The following MYH15 variants were observed in gnomAD, a reference collection of about 807,000 sequenced individuals.
The protein encoded by MYH15 is myosin-15.
Under a neutral mutation model 240.5 loss-of-function variants are expected in MYH15, and 227 were observed. The ratio of observed to expected loss-of-function variants is 0.94; its 90% CI spans 0.85 to 1.05. The LOEUF is 1.05. Ranked by LOEUF, MYH15 falls within the 50% of genes least tolerant of loss-of-function variation. MYH15 has a pLI of 0.00. For synonymous variants in MYH15, 785 were observed against 796.7 expected, an observed-to-expected ratio of 0.99 and a Z score of 0.25; for missense variants, 2,217 against 2,247.5, an observed-to-expected ratio of 0.99 and a Z score of 0.27.
intron 21 of MYH15, among the ~76,000 whole-genome samples, chr3:108,453,795 A>T (rs2082995808): frequency 6.6e-6 from 1 of 152,210 alleles, no homozygotes; most frequent in Non-Finnish European, 1.5e-5. Context: ...GCATGACAAG[A>T]AATATCTGAA....
chr3:108,478,569 A>C (rs1464859360), intron 11 of MYH15, among the ~76,000 whole-genome samples: 1 of 150,088 alleles, frequency 6.7e-6, no homozygotes, highest in African/African-American at 2.5e-5. Flanking sequence ...TATCTAATCC[A>C]ATGTGAAAAT....
At chr3:108,402,811 T>C (rs1436075040) in intron 33 of MYH15, among the ~76,000 whole-genome samples, 1 of 152,158 alleles carries the variant, frequency 6.6e-6, no homozygotes, top group East Asian at 1.9e-4. Flanking sequence ...ACCAACCTGT[T>C]GTCAGCTCAG....
intron 38 of MYH15, among the ~76,000 whole-genome samples, chr3:108,386,609 C>T (rs549696895): frequency 6.6e-6 from 1 of 152,020 alleles, no homozygotes; most frequent in South Asian, 2.1e-4. Flanking sequence ...TAGTCTGACG[C>T]TCTTCCCTTC....
chr3:108,383,676 C>A lies in MYH15; in HGVS notation c.5685G>T (p.Leu1895Phe), dbSNP rs2082359856. ...LSKYKKQQHE[L>F]NEVKERAEVA... ...CCTCTGCCCTTTCCTTCACTTCATT[C>A]AACTCATGTTGCTGTTTCTTATACT... is the stretch of plus-strand genomic sequence containing the variant. The change falls in exon 40 of 41, where the codon TTG becomes TTT. Residue 1895 changes from leucine (L) to phenylalanine (F), a missense_variant. Leu to Phe is a conservative substitution (Grantham distance 22). Transcript: ENST00000693548. 15 of 1,609,528 alleles carry A rather than the reference C, an allele frequency of 9.3e-6. No homozygotes were observed. In the East Asian group the frequency reaches 3.4e-4, roughly 36 times the overall value.
intron 14 of MYH15, among the ~76,000 whole-genome samples, chr3:108,467,746 A>T (rs1280628705): frequency 6.6e-6 from 1 of 152,184 alleles, no homozygotes; most frequent in Non-Finnish European, 1.5e-5. Context: ...CTTATGTATA[A>T]CCATAAATAT....
intron 17 of MYH15, 134 bp from the exon 18 acceptor site, chr3:108,459,583 T>A (rs1560389076): frequency 5.7e-6 from 3 of 527,986 alleles, no homozygotes; most frequent in Non-Finnish European, 3.3e-6. Context: ...AATAATGAAT[T>A]CAACATTCTT....
rs147333609 is a variant in MYH15 at position 108,523,549 on chromosome 3, C to T, written c.-58+5714G>A. ...TATAAATAACATATAATTAATTTTA[C>T]ATATCAAGAAGTTAAACATGTGATA... On this transcript the variant is annotated intron_variant, in intron 1 of 41. Transcript: ENST00000273353. 3.1e-3 allele frequency among the ~76,000 whole-genome samples: 478 copies of T among 151,982 alleles called. 8 individuals are homozygous for T. Among genetic ancestry groups the T allele is most frequent in the Admixed American group, 0.028 (425 of 15,214 alleles).
At position 108,381,171 on chromosome 3, in the gene MYH15, C is replaced by T. The variant is rs556318286; in HGVS notation, c.*374G>A. On this transcript the variant is annotated 3_prime_UTR_variant, in exon 41 of 41. Coordinates refer to ENST00000693548, the MANE Select transcript of MYH15 (RefSeq NM_014981.3). ...TTAGTAAAAACCATTCACCAACATGCCCTAGTCCCCATGAAGCGTGACTGG... is the reference window on the plus strand; with the variant it reads ...TTAGTAAAAACCATTCACCAACATGTCCTAGTCCCCATGAAGCGTGACTGG... 2 of 240,350 alleles carry T rather than the reference C, an allele frequency of 8.3e-6. No individual in the cohort carries two copies. Among genetic ancestry groups the T allele is most frequent in the African/African-American group, 4.6e-5 (2 of 43,858 alleles). The allele number at this position is 240,350 out of a possible 1,614,324, so 14.9% of individuals were successfully genotyped here. A position where few individuals can be genotyped will look rare whatever the true frequency, so the allele number is the denominator to read the frequency against.
chr3:108,470,189 G>T lies in MYH15; in HGVS notation c.1407C>A (p.Cys469Ter), dbSNP rs183838764. The T allele has an allele frequency of 1.3e-5, 21 of 1,608,302 alleles. No individual in the cohort carries two copies. The highest frequency in any genetic ancestry group is 8.5e-7 in the Non-Finnish European group (1 of 1,177,380). The change falls in exon 14 of 41, where the codon TGC becomes TGA. Residue 469 changes from cysteine to a stop codon, truncating the protein, a stop_gained. Coordinates refer to ENST00000693548, the MANE Select transcript of MYH15 (RefSeq NM_014981.3). LOFTEE classifies it high-confidence loss of function. ...ILEYNSLEQLCINFTNEKLQQ... is the reference protein window; with the variant it reads ...ILEYNSLEQL ...GTAATTTTTCATTGGTAAAATTAAT[G>T]CAAAGTTGCTCAAGGCTATTATACT...
intron 1 of MYH15, among the ~76,000 whole-genome samples, chr3:108,521,355 G>A (rs1655450722): frequency 6.6e-6 from 1 of 151,622 alleles, no homozygotes; most frequent in African/African-American, 2.4e-5. Flanking sequence ...TGGAGCAAAG[G>A]ACTTTCTGAA....
chr3:108,409,974 A>G (rs1051728356), intron 31 of MYH15, among the ~76,000 whole-genome samples: 2 of 152,222 alleles, frequency 1.3e-5, no homozygotes, highest in African/African-American at 4.8e-5. Context: ...AAGACCCACA[A>G]GGTACGTGGG....
intron 16 of MYH15, among the ~76,000 whole-genome samples, chr3:108,462,080 A>AT (rs35537264): frequency 1.2e-4 from 18 of 152,190 alleles, no homozygotes; most frequent in Middle Eastern, 3.4e-3. Context: ...GTGAAATCTG[A>AT]TTTTTTTAGC....
intron 11 of MYH15, among the ~76,000 whole-genome samples, chr3:108,476,786 C>T (rs2083225182): frequency 6.6e-6 from 1 of 152,110 alleles, no homozygotes; most frequent in Non-Finnish European, 1.5e-5. Context: ...CTCACAGCCA[C>T]TAGAATGACT....
chr3:108,475,103 A>G (rs1049260270), intron 12 of MYH15, among the ~76,000 whole-genome samples: 2 of 152,190 alleles, frequency 1.3e-5, no homozygotes, highest in Non-Finnish European at 2.9e-5. Flanking sequence ...ACCTTAATAT[A>G]CCAAGGGAAA....
Position 108,428,537 on chromosome 3 carries a change from T to G in MYH15, c.3657A>C (p.Glu1219Asp), listed in dbSNP as rs1019158777. Residue 1219 changes from glutamate to aspartate, a missense_variant, in exon 27 of 41, where the codon GAA (glutamate) becomes GAC (aspartate). Coordinates refer to ENST00000693548, the MANE Select transcript of MYH15 (RefSeq NM_014981.3). ...CAACACGGGTCAGGAGGTCATCTAC[T>G]TCTAGCTGCAAGTCACTCTTGTCTT... ...LEKDKSDLQL[E>D]VDDLLTRVEQ... is the part of the protein sequence containing the mutation. 1 of 1,614,150 alleles carries G rather than the reference T, an allele frequency of 6.2e-7. No individual in the cohort carries two copies. Among genetic ancestry groups the G allele is most frequent in the East Asian group, 2.2e-5 (1 of 44,880 alleles).
intron 39 of MYH15, among the ~76,000 whole-genome samples, 199 bp downstream of exon 39, chr3:108,384,488 G>A (rs1324087835): frequency 6.6e-6 from 1 of 152,078 alleles, no homozygotes. Context: ...AGAGAGCTCT[G>A]GCTTCCTGGA....
At chr3:108,539,298 C>T in the MYH15 span, among the ~76,000 whole-genome samples, 1 of 152,058 alleles carries the variant, frequency 6.6e-6, no homozygotes, top group Non-Finnish European at 1.5e-5. Flanking sequence ...ACAATACCGC[C>T]GTGTTAACAC....
At chr3:108,504,417 C>G (rs1363936676) in intron 2 of MYH15, among the ~76,000 whole-genome samples, 1 of 152,124 alleles carries the variant, frequency 6.6e-6, no homozygotes, top group Non-Finnish European at 1.5e-5. Context: ...TATTGACTGT[C>G]AGGAAGACAT....
rs117102814 is a variant in MYH15, at chr3:108,471,789, C to T, written c.1234-942G>A. Among the ~76,000 whole-genome samples, 9 of 152,206 alleles carry T rather than the reference C, an allele frequency of 5.9e-5. No individual in the cohort carries two copies. The East Asian group carries it at 1.5e-3, about 26-fold the overall frequency. ...TGCAGCAGTCCTGAATGAAGTCTTC[C>T]TTACCATCTTAATAAGATTCAGAAT... On this transcript the variant is annotated intron_variant, in intron 12 of 40. Transcript: ENST00000693548.
Sources: allele counts gnomAD v4.1 joint callset (sites outside exome capture counted in the v4.1 genomes callset), GRCh38; gene constraint gnomAD v4.1.1; transcripts MANE v1.5; gene names NCBI Gene and HGNC (gene_info 2026-07-23, HGNC 2026-07-21).